CTDP1: variants seen among roughly 807,000 people sequenced by gnomAD.
CTDP1 encodes the protein CTD phosphatase 1.
Under a neutral mutation model 91.8 loss-of-function variants are expected in CTDP1, and 47 were observed. That is an observed-to-expected ratio of 0.51 (90% CI 0.41 to 0.65). The LOEUF (loss-of-function observed/expected upper bound fraction) is 0.65, where lower values mean the gene tolerates loss of function less well. CTDP1 is among the 30% of genes least tolerant of loss of function. The probability of loss-of-function intolerance (pLI) is 0.00; values close to 1 mark genes in which losing one functional copy is unlikely to be tolerated. For missense variants in CTDP1, 1,272 were observed against 1,373.7 expected (o/e 0.93, Z 1.17); for synonymous variants, 656 against 598.5 (o/e 1.10, Z -1.40).
chr18:79,708,432 A>T (rs946300022), intron 5 of CTDP1, among the ~76,000 whole-genome samples: 2 of 152,220 alleles, frequency 1.3e-5, no homozygotes, highest in African/African-American at 4.8e-5. Context: ...AACAATAGTG[A>T]TTATGTGGAG....
At chr18:79,692,440 A>C (rs2085645012) in intron 1 of CTDP1, among the ~76,000 whole-genome samples, 1 of 152,194 alleles carries the variant, frequency 6.6e-6, no homozygotes, top group Non-Finnish European at 1.5e-5. Flanking sequence ...TTGAGATTCT[A>C]GGTTTTCTGA....
intron 5 of CTDP1, among the ~76,000 whole-genome samples, chr18:79,707,656 T>G (rs1015016479): frequency 6.6e-6 from 1 of 152,164 alleles, no homozygotes; most frequent in South Asian, 2.1e-4. Flanking sequence ...GCAGAAATTC[T>G]CAACAGAACA....
chr18:79,728,495 G>A (rs1306360740), intron 10 of CTDP1, among the ~76,000 whole-genome samples: 1 of 152,034 alleles, frequency 6.6e-6, no homozygotes, highest in Non-Finnish European at 1.5e-5. Flanking sequence ...GCATTTTCTT[G>A]TTTTGTGTTT....
intron 1 of CTDP1, among the ~76,000 whole-genome samples, chr18:79,687,927 G>A (rs922307620): frequency 7.2e-5 from 11 of 152,204 alleles, no homozygotes; most frequent in African/African-American, 2.2e-4. Flanking sequence ...CTGGGAACTG[G>A]TTTTGTTGGA....
intron 1 of CTDP1, among the ~76,000 whole-genome samples, chr18:79,693,682 C>T (rs575995617): frequency 6.6e-6 from 1 of 152,270 alleles, no homozygotes; most frequent in South Asian, 2.1e-4. Flanking sequence ...CCACTCCATC[C>T]CCGAGGGCTC....
chr18:79,725,773 T>TTGC (rs2086433353), intron 10 of CTDP1, among the ~76,000 whole-genome samples: 1 of 151,974 alleles, frequency 6.6e-6, no homozygotes, highest in Non-Finnish European at 1.5e-5. Context: ...AGTCCCTCCC[T>TTGC]TGCTGGGGGA....
chr18:79,743,540 A>AC (rs1555685205), intron 12 of CTDP1, among the ~76,000 whole-genome samples: 1 of 150,746 alleles, frequency 6.6e-6, no homozygotes, highest in South Asian at 2.1e-4. Context: ...AAAAAAAAAA[A>AC]AAAACAGTGA....
Position 79,746,377 on chromosome 18 carries a change from G to T in CTDP1, c.2748-7275G>T, listed in dbSNP as rs557160081. ...CCTGCGTCCCTCCCATGCGCGTTCT[G>T]TCCGTGCGTCCCTCCCATGCGTGTT... On this transcript the variant is annotated intron_variant, in intron 12 of 12. Transcript: ENST00000613122. Among the ~76,000 whole-genome samples the T allele has an allele frequency of 2.0e-5, 3 of 152,102 alleles. 1 individual carries two copies. The highest frequency in any genetic ancestry group is 7.2e-5 in the African/African-American group (3 of 41,472).
chr18:79,732,781 A>G (rs2086591711), intron 11 of CTDP1, among the ~76,000 whole-genome samples: 1 of 151,686 alleles, frequency 6.6e-6, no homozygotes, highest in South Asian at 2.1e-4. Context: ...AAATCATGTG[A>G]GACGTAAGAA....
At chr18:79,679,734 G>A, upstream of CTDP1, 2 of 520,390 alleles carry the variant, frequency 3.8e-6, no homozygotes, top group South Asian at 1.9e-5. Context: ...GCCCCGCGCG[G>A]CGCTCGTATT....
At chr18:79,683,511 G>T (rs2085418704) in intron 1 of CTDP1, among the ~76,000 whole-genome samples, 1 of 152,170 alleles carries the variant, frequency 6.6e-6, no homozygotes. Flanking sequence ...CTTTTAACAG[G>T]GACCTCCCAG....
At chr18:79,697,298 GTGTCCCA>G (rs928516847) in intron 3 of CTDP1, among the ~76,000 whole-genome samples, 1 of 152,136 alleles carries the variant, frequency 6.6e-6, no homozygotes, top group Non-Finnish European at 1.5e-5. Context: ...GTCACATCCC[GTGTCCCA>G]TGCCGGGCTC....
rs1032334279 is a variant in CTDP1, at chr18:79,722,115, A to G, written c.2417+4099A>G. Among the ~76,000 whole-genome samples, 8 of 152,352 alleles carry G rather than the reference A, an allele frequency of 5.3e-5. No homozygotes were observed. The Middle Eastern group carries it at 0.01, about 194-fold the overall frequency. ...TAGATACAAAACTGGTGTTTTAATA[A>G]TTCAGCCTTGCTTGAAGTGAGCTAG... On this transcript the variant is annotated intron_variant, in intron 10 of 12. Transcript: ENST00000613122.
chr18:79,679,042 T>C (rs1195617785), upstream of CTDP1: 4 of 237,628 alleles, frequency 1.7e-5, no homozygotes, highest in Non-Finnish European at 3.4e-5. Flanking sequence ...GCTCCTTTAG[T>C]AAGCCACTTG....
At chr18:79,682,731 G>A (rs1328624840) in intron 1 of CTDP1, among the ~76,000 whole-genome samples, 1 of 152,182 alleles carries the variant, frequency 6.6e-6, no homozygotes, top group South Asian at 2.1e-4. Flanking sequence ...ATCTGTGGAT[G>A]TGGAATTTGG....
At chr18:79,721,108 G>A (rs1043902980) in intron 10 of CTDP1, among the ~76,000 whole-genome samples, 5 of 152,134 alleles carry the variant, frequency 3.3e-5, no homozygotes, top group African/African-American at 9.7e-5. Context: ...GATCCCACAC[G>A]CTGCCCACTT....
Position 79,714,807 on chromosome 18 carries a change from C to A in CTDP1, c.1347C>A (p.Asp449Glu). 4.4e-6 allele frequency: 7 copies of A among 1,603,376 alleles called. No individual in the cohort carries two copies. The highest frequency in any genetic ancestry group is 6.0e-6 in the Non-Finnish European group (7 of 1,176,212). Residue 449 changes from aspartate (D) to glutamate (E), a missense_variant, in exon 8 of 13, where the codon GAC becomes GAA. By Grantham distance (45) the Asp-to-Glu change is conservative (BLOSUM62 2). Coordinates refer to ENST00000613122, the MANE Select transcript of CTDP1 (RefSeq NM_004715.5). ...CTGCCCAGGGTGCCACGGGCACTGA[C>A]CTGGACTTTGACTTATCCAGCGACA... Reference protein sequence around the residue: ...QRPAQGATGTDLDFDLSSDSE... With the variant: ...QRPAQGATGTELDFDLSSDSE...
intron 11 of CTDP1, among the ~76,000 whole-genome samples, chr18:79,733,909 A>C (rs574874724): frequency 6.6e-6 from 1 of 152,294 alleles, no homozygotes; most frequent in African/African-American, 2.4e-5. Context: ...ACACTTAGGT[A>C]TGAATTCACT....
intron 10 of CTDP1, among the ~76,000 whole-genome samples, chr18:79,718,403 G>A (rs1214402925): frequency 1.3e-5 from 2 of 152,312 alleles, no homozygotes; most frequent in East Asian, 1.9e-4. Context: ...CCGGCTCCAC[G>A]TTTGCTGCTC....
Sources: allele counts gnomAD v4.1 joint callset (sites outside exome capture counted in the v4.1 genomes callset), GRCh38; gene constraint gnomAD v4.1.1; transcripts MANE v1.5; gene names NCBI Gene and HGNC (gene_info 2026-07-23, HGNC 2026-07-21).